The following NPIPB13 variants were observed in gnomAD, a reference collection of about 807,000 sequenced individuals.
NPIPB13 encodes the protein nuclear pore complex interacting protein family, member B13, also known as nuclear pore complex-interacting protein family member B13.
At chr16:30,236,417 A>AT (rs2073571182) in intron 2 of NPIPB13, among the ~76,000 whole-genome samples, 1 of 97,634 alleles carries the variant, frequency 1.0e-5, no homozygotes, top group Non-Finnish European at 2.2e-5. Flanking sequence ...AAATTTTTGT[A>AT]TTTTTTGTGG....
At chr16:30,238,244 C>T (rs1268832136) in intron 2 of NPIPB13, among the ~76,000 whole-genome samples, 2 of 125,384 alleles carry the variant, frequency 1.6e-5, no homozygotes, top group Non-Finnish European at 3.5e-5. Context: ...TGCACTCCAG[C>T]CTGGGCAACA....
At chr16:30,232,154 TACAC>T (rs1194041795) in intron 3 of NPIPB13, among the ~76,000 whole-genome samples, 2 of 51,006 alleles carry the variant, frequency 3.9e-5, no homozygotes, top group East Asian at 4.7e-4. Context: ...CTCTGTCACA[TACAC>T]ACACACACAC....
intron 2 of NPIPB13, among the ~76,000 whole-genome samples, chr16:30,238,035 G>C (rs2073577925): frequency 1.0e-5 from 1 of 98,032 alleles, no homozygotes; most frequent in East Asian, 2.1e-4. Context: ...CGCTTTGGGA[G>C]GCCGAGGCGG....
At chr16:30,244,523 GTGTGT>G (rs1402107074) in intron 2 of NPIPB13, among the ~76,000 whole-genome samples, 2 of 114,574 alleles carry the variant, frequency 1.7e-5, no homozygotes, top group East Asian at 7.1e-4. Flanking sequence ...GTGTGTGTGT[GTGTGT>G]GTGTGTGTGT....
intron 3 of NPIPB13, among the ~76,000 whole-genome samples, chr16:30,232,496 G>A (rs1352302742): frequency 4.2e-5 from 6 of 143,134 alleles, no homozygotes; most frequent in Non-Finnish European, 7.8e-5. Flanking sequence ...GGCCAGATGC[G>A]GTAGCTCACG....
At chr16:30,246,330 G>C (rs1307887953), upstream of NPIPB13, among the ~76,000 whole-genome samples, 2 of 151,370 alleles carry the variant, frequency 1.3e-5, no homozygotes, top group African/African-American at 2.4e-5. Flanking sequence ...CCACAGATGA[G>C]GCCACAGTGC....
intron 5 of NPIPB13, among the ~76,000 whole-genome samples, chr16:30,231,044 CGTG>C: frequency 1.3e-5 from 1 of 78,696 alleles, no homozygotes; most frequent in Non-Finnish European, 2.5e-5. Flanking sequence ...ATTAGCTGGG[CGTG>C]GTGGTGGGCA....
At chr16:30,228,936 C>G (rs1398267675) in intron 5 of NPIPB13, among the ~76,000 whole-genome samples, 1 of 152,308 alleles carries the variant, frequency 6.6e-6, no homozygotes, top group Non-Finnish European at 1.5e-5. Context: ...ACCTTATTCT[C>G]AGTCAGAGGC....
intron 3 of NPIPB13, among the ~76,000 whole-genome samples, chr16:30,232,585 G>T (rs2073561080): frequency 1.5e-5 from 1 of 66,630 alleles, no homozygotes; most frequent in East Asian, 4.7e-4. Flanking sequence ...GGGCAACATG[G>T]TGAAACCCCG....
intron 2 of NPIPB13, among the ~76,000 whole-genome samples, chr16:30,238,872 G>T (rs2151075672): frequency 5.0e-4 from 1 of 1,990 alleles, no homozygotes; most frequent in Non-Finnish European, 1.3e-3. Context: ...GCGACAGAGT[G>T]AGACTCTGTC....
chr16:30,238,271 A>T (rs1276284929), intron 2 of NPIPB13, among the ~76,000 whole-genome samples: 171 of 117,862 alleles, frequency 1.5e-3, no homozygotes, highest in African/African-American at 5.9e-3. Flanking sequence ...AAACTGTCTC[A>T]AAATAAATAA....
At chr16:30,232,519 G>C (rs1271215968) in intron 3 of NPIPB13, among the ~76,000 whole-genome samples, 127 of 128,862 alleles carry the variant, frequency 9.9e-4, no homozygotes, top group African/African-American at 3.2e-3. Context: ...TGTAATCCCA[G>C]CACTTTGGGA....
chr16:30,241,646 T>C (rs1407952746), intron 2 of NPIPB13, among the ~76,000 whole-genome samples: 1 of 33,436 alleles, frequency 3.0e-5, no homozygotes, highest in South Asian at 8.8e-4. Context: ...ACCAACATGG[T>C]GAAACCCCAT....
chr16:30,229,047 CATCGACTTTAAAGA>C, intron 5 of NPIPB13, among the ~76,000 whole-genome samples: 2 of 148,942 alleles, frequency 1.3e-5, no homozygotes, highest in Admixed American at 1.3e-4. Flanking sequence ...GAACTCTTGT[CATCGACTTTAAAGA>C]TCCTGGTTGA....
intron 3 of NPIPB13, among the ~76,000 whole-genome samples, chr16:30,232,568 C>T (rs2073560882): frequency 1.2e-5 from 1 of 82,384 alleles, no homozygotes; most frequent in Non-Finnish European, 3.0e-5. Flanking sequence ...GAGATGGAGA[C>T]CATCCTGGGC....
chr16:30,232,519 G>A (rs1271215968), intron 3 of NPIPB13, among the ~76,000 whole-genome samples: 1 of 128,880 alleles, frequency 7.8e-6, no homozygotes, highest in Non-Finnish European at 1.7e-5. Context: ...TGTAATCCCA[G>A]CACTTTGGGA....
chr16:30,238,604 C>T (rs1221186324), intron 2 of NPIPB13, among the ~76,000 whole-genome samples: 151 of 21,204 alleles, frequency 7.1e-3, no homozygotes, highest in Middle Eastern at 0.015. Context: ...ACCCGGGAGG[C>T]GGAGCTTGCA....
intron 2 of NPIPB13, among the ~76,000 whole-genome samples, chr16:30,244,777 TTTC>T (rs1470840877): frequency 4.3e-5 from 4 of 92,428 alleles, no homozygotes; most frequent in Admixed American, 3.8e-4. Flanking sequence ...ATAGAATGTA[TTTC>T]TTATTATGAG....
chr16:30,230,563 C>A (rs1306499472), intron 5 of NPIPB13, among the ~76,000 whole-genome samples: 2 of 34,896 alleles, frequency 5.7e-5, no homozygotes, highest in East Asian at 2.6e-3. Context: ...ATTATCCGGG[C>A]ATGGTGGCAT....
Sources: allele counts gnomAD v4.1 joint callset (sites outside exome capture counted in the v4.1 genomes callset), GRCh38; gene constraint gnomAD v4.1.1; transcripts MANE v1.5; gene names NCBI Gene and HGNC (gene_info 2026-07-23, HGNC 2026-07-21).